The following DLGAP2 variants were observed in gnomAD, a reference collection of about 807,000 sequenced individuals.
DLGAP2 encodes the protein DLG associated protein 2, also known as disks large-associated protein 2.
Under a neutral mutation model 100.3 loss-of-function variants are expected in DLGAP2, and 26 were observed. That is an observed-to-expected ratio of 0.26 (90% CI 0.19 to 0.36). DLGAP2 has a LOEUF of 0.36. Among genes scored for constraint, DLGAP2 ranks in the 10% least tolerant of loss-of-function variants. DLGAP2 has a pLI of 1.00. For missense variants in DLGAP2, 1,858 were observed against 1,453.2 expected (o/e 1.28, Z -4.53); for synonymous variants, 886 against 630.1 (o/e 1.41, Z -6.08).
At chr8:1,253,837 T>C (rs1420385597) in intron 2 of DLGAP2, among the ~76,000 whole-genome samples, 1 of 152,204 alleles carries the variant, frequency 6.6e-6, no homozygotes, top group Non-Finnish European at 1.5e-5. Context: ...TGGGTGTTCC[T>C]TGGGGAAGAA....
In DLGAP2 at chr8:1,407,414, A is replaced by C. The variant is rs1452865841; in HGVS notation, c.107-93952A>C. ...CTGTATTGAGTGCTTACTGAGCGCC[A>C]CCTCCTTGTCCTCCAGAGTCGTGTA... On this transcript the variant is annotated intron_variant, in intron 3 of 14. Transcript: ENST00000637795. Among the ~76,000 whole-genome samples the C allele has an allele frequency of 7.1e-4, 67 of 94,176 alleles. 2 individuals are homozygous for C. Among genetic ancestry groups the C allele is most frequent in the Non-Finnish European group, 9.0e-4 (41 of 45,780 alleles). 61.8% of individuals were successfully genotyped at this position (94,176 alleles called of 152,430 possible). A position where few individuals can be genotyped will look rare whatever the true frequency, so the allele number is the denominator to read the frequency against.
At chr8:748,805 G>A (rs1351308391) in intron 1 of DLGAP2, among the ~76,000 whole-genome samples, 1 of 152,190 alleles carries the variant, frequency 6.6e-6, no homozygotes, top group South Asian at 2.1e-4. Context: ...CAGTGGACAA[G>A]GATGGGTGAA....
chr8:953,457 G>T (rs1434707688), intron 2 of DLGAP2, among the ~76,000 whole-genome samples: 5 of 152,164 alleles, frequency 3.3e-5, no homozygotes, highest in African/African-American at 1.2e-4. Context: ...TTCCCAAAGT[G>T]CTGGGATTAC....
Position 1,067,604 on chromosome 8 carries a change from CGTGTGTGTGT to C in DLGAP2, c.73+159672_73+159681del, listed in dbSNP as rs3220190. ...AACCAAGACTCAGGTGGTTGAGTGA[CGTGTGTGTGT>C]GTGTGTGTGTGTGTGTGTGTGTGTG... is the stretch of plus-strand genomic sequence containing the variant. On this transcript the variant is annotated intron_variant, in intron 2 of 14. Coordinates refer to ENST00000637795, the MANE Select transcript of DLGAP2 (RefSeq NM_001346810.2). Among the ~76,000 whole-genome samples, 275 of 140,402 alleles carry C rather than the reference CGTGTGTGTGT, an allele frequency of 2.0e-3. 2 individuals carry two copies. Among genetic ancestry groups the C allele is most frequent in the East Asian group, 4.2e-3 (19 of 4,552 alleles). The allele number at this position is 140,402 out of a possible 152,430, so 92.1% of individuals were successfully genotyped here.
At chr8:1,038,942 G>T (rs770036220) in intron 2 of DLGAP2, among the ~76,000 whole-genome samples, 1 of 152,098 alleles carries the variant, frequency 6.6e-6, no homozygotes, top group Admixed American at 6.5e-5. Context: ...GGATGCTTTC[G>T]TGTCTCTCCA....
At chr8:1,072,016 T>C (rs1173967205) in intron 2 of DLGAP2, among the ~76,000 whole-genome samples, 1 of 152,172 alleles carries the variant, frequency 6.6e-6, no homozygotes, top group African/African-American at 2.4e-5. Flanking sequence ...GCCTGGGCCT[T>C]GAAGGCAGAA....
chr8:910,208 A>G (rs1446985906), intron 2 of DLGAP2, among the ~76,000 whole-genome samples: 1 of 152,210 alleles, frequency 6.6e-6, no homozygotes, highest in Non-Finnish European at 1.5e-5. Context: ...ATTAGAAAGA[A>G]GATTAACTTT....
At chr8:970,433 C>CCCA (rs1799984338) in intron 2 of DLGAP2, among the ~76,000 whole-genome samples, 1 of 152,152 alleles carries the variant, frequency 6.6e-6, no homozygotes, top group Non-Finnish European at 1.5e-5. Flanking sequence ...CGTTTATCAG[C>CCCA]CCACCAGTGC....
intron 12 of DLGAP2, 142 bp downstream of exon 12, chr8:1,678,771 C>A: frequency 2.3e-6 from 2 of 870,072 alleles, no homozygotes; most frequent in South Asian, 3.1e-5. Flanking sequence ...GTATATCCCC[C>A]TCAATTCTAA....
chr8:1,098,452 TTGG>T (rs1372127364), intron 2 of DLGAP2, among the ~76,000 whole-genome samples: 1 of 152,158 alleles, frequency 6.6e-6, no homozygotes, highest in Admixed American at 6.5e-5. Context: ...TTTTTACAAC[TTGG>T]TGGGTAAATC....
chr8:915,274 G>T (rs977089937), intron 2 of DLGAP2, among the ~76,000 whole-genome samples: 1 of 152,222 alleles, frequency 6.6e-6, no homozygotes, highest in Non-Finnish European at 1.5e-5. Context: ...TGGGCTGGGC[G>T]CGGTGGCTCA....
intron 13 of DLGAP2, among the ~76,000 whole-genome samples, chr8:1,696,257 T>G (rs1799396263): frequency 6.6e-6 from 1 of 152,048 alleles, no homozygotes; most frequent in Admixed American, 6.5e-5. Context: ...TCCCAGCACT[T>G]TGGGAAGCTG....
At position 1,111,808 on chromosome 8, in the gene DLGAP2, G is replaced by T. The variant is rs191990598; in HGVS notation, c.74-147043G>T. On this transcript the variant is annotated intron_variant, in intron 2 of 14. Transcript: ENST00000637795. The stretch of plus-strand genomic sequence containing the variant: ...CATTCTCTATATTCAGTCTGTCATT[G>T]CTGGGCATTTAAGTTGATTCCATGT... Among the ~76,000 whole-genome samples, 258 of 152,218 alleles carry T rather than the reference G, an allele frequency of 1.7e-3. 2 individuals carry two copies. The highest frequency in any genetic ancestry group is 5.8e-3 in the African/African-American group (242 of 41,528).
At chr8:814,988 G>C (rs1040602515) in intron 1 of DLGAP2, among the ~76,000 whole-genome samples, 5 of 151,814 alleles carry the variant, frequency 3.3e-5, no homozygotes, top group Non-Finnish European at 7.4e-5. Flanking sequence ...AAATTTCCTA[G>C]TGTTAAGCAT....
intron 4 of DLGAP2, among the ~76,000 whole-genome samples, chr8:1,537,728 T>TGGAA (rs10523091): frequency 0.081 from 11,118 of 136,506 alleles, 516 homozygotes; most frequent in East Asian, 0.17. Flanking sequence ...GATGAAAGGA[T>TGGAA]GGAAGGAAGG....
rs181036220 is a variant in DLGAP2 at position 1,042,348 on chromosome 8, G to A, written c.73+134382G>A. 3.9e-5 allele frequency among the ~76,000 whole-genome samples: 6 copies of A among 152,314 alleles called. No homozygotes were observed. The East Asian group carries it at 1.2e-3, about 29-fold the overall frequency. ...TGCCTAGTACAGAAAGCAGATCTGT[G>A]GGGCTTCCTTAGGGGTTTCAGGAAA... On this transcript the variant is annotated intron_variant, in intron 2 of 14. Transcript: ENST00000637795.
intron 8 of DLGAP2, among the ~76,000 whole-genome samples, chr8:1,666,644 C>T (rs568097732): frequency 6.6e-6 from 1 of 151,502 alleles, no homozygotes; most frequent in African/African-American, 2.4e-5. Flanking sequence ...CGCCCCACTG[C>T]ACTCCAGCCT....
intron 3 of DLGAP2, among the ~76,000 whole-genome samples, chr8:1,493,272 G>C (rs1799446684): frequency 6.6e-6 from 1 of 152,202 alleles, no homozygotes; most frequent in Admixed American, 6.5e-5. Flanking sequence ...GCAGCTCTGA[G>C]ACACGCCTCT....
chr8:872,942 T>C (rs13275254), intron 1 of DLGAP2, among the ~76,000 whole-genome samples: 47,303 of 151,994 alleles, frequency 0.31, 7,626 homozygotes, highest in Non-Finnish European at 0.34. Context: ...CAAAAGGCTA[T>C]TTTTGCCTAT....
Sources: gnomAD v4.1 joint callset for allele counts (sites outside exome capture counted in the v4.1 genomes callset) on GRCh38, gnomAD v4.1.1 for gene constraint, MANE v1.5 for transcripts, NCBI Gene and HGNC (gene_info 2026-07-23, HGNC 2026-07-21) for gene names.